The following PI16 variants were observed in gnomAD, a reference collection of about 807,000 sequenced individuals.
PI16 encodes the protein peptidase inhibitor 16.
PI16 carries 35 observed loss-of-function variants against 38.0 expected under a neutral mutation model. That is an observed-to-expected ratio of 0.92 (90% CI 0.70 to 1.22). The LOEUF (loss-of-function observed/expected upper bound fraction) is 1.22. Ranked by LOEUF, PI16 falls within the 50% of genes most tolerant of loss-of-function variation. The pLI is 0.00. For synonymous variants in PI16, 275 were observed against 252.9 expected (o/e 1.09, Z -0.83); for missense variants, 572 against 593.8 (o/e 0.96, Z 0.38).
Position 36,962,566 on chromosome 6 carries a change from C to G in PI16, c.593-369C>G, listed in dbSNP as rs1052824609. On this transcript the variant is annotated intron_variant, in intron 4 of 6. Coordinates refer to ENST00000373674, the MANE Select transcript of PI16 (RefSeq NM_153370.3). This position sits in a 1 kb window ranked among gnomAD's most constrained non-coding sequence, Gnocchi z 4.1. The stretch of plus-strand genomic sequence containing the variant: ...CGGCTCACCTGCAACCTCCGCCTCC[C>G]GGTTTGAAGCAATTCTCCTGCCTCA... Among the ~76,000 whole-genome samples, 1 of 152,102 alleles carries G rather than the reference C, an allele frequency of 6.6e-6. No individual in the cohort carries two copies. The highest frequency in any genetic ancestry group is 2.4e-5 in the African/African-American group (1 of 41,416).
At chr6:36,955,604 T>G (rs1763183247) in intron 1 of PI16, among the ~76,000 whole-genome samples, 1 of 152,192 alleles carries the variant, frequency 6.6e-6, no homozygotes, top group Non-Finnish European at 1.5e-5. Context: ...CAGTGTGGAT[T>G]GAATCTCACA....
intron 1 of PI16, 52 bp from the exon 2 acceptor site, chr6:36,959,093 C>A: frequency 6.7e-7 from 1 of 1,490,432 alleles, no homozygotes; most frequent in Non-Finnish European, 9.1e-7. Context: ...TTTGCTTGGT[C>A]CCCACAGCAT....
chr6:36,959,075 C>G lies in PI16; in HGVS notation c.172-70C>G. On this transcript the variant is annotated intron_variant, in intron 1 of 6. Coordinates refer to ENST00000373674, the MANE Select transcript of PI16 (RefSeq NM_153370.3). Reference sequence around the variant, plus strand: ...GCCGGAAGGATTTCCCCACGACCTCCTCGACCTTTTGCTTGGTCCCCACAG... The same window carrying G: ...GCCGGAAGGATTTCCCCACGACCTCGTCGACCTTTTGCTTGGTCCCCACAG... 7 of 1,394,750 alleles carry G rather than the reference C, an allele frequency of 5.0e-6. No individual in the cohort carries two copies. The South Asian group carries it at 9.2e-5, about 18-fold the overall frequency. 86.4% of individuals were successfully genotyped at this position (1,394,750 alleles called of 1,614,324 possible).
intron 1 of PI16, among the ~76,000 whole-genome samples, chr6:36,955,658 A>G (rs771924842): frequency 2.0e-5 from 3 of 152,252 alleles, no homozygotes; most frequent in Non-Finnish European, 4.4e-5. Flanking sequence ...TCTAAAAAAT[A>G]CACAGTAGGA....
chr6:36,955,495 G>C (rs150320427), intron 1 of PI16, among the ~76,000 whole-genome samples: 5 of 152,064 alleles, frequency 3.3e-5, no homozygotes, highest in African/African-American at 1.2e-4. Context: ...ATTCTGTCTC[G>C]GTCACCTACA....
rs759873373 is a variant in PI16 at position 36,963,872 on chromosome 6, C to T, written c.1320C>T (p.Gly440=). 3.7e-6 allele frequency: 6 copies of T among 1,613,476 alleles called. No homozygotes were observed. In the African/African-American group the frequency reaches 5.3e-5, roughly 14 times the overall value. Residue 440 remains glycine, a synonymous_variant, in exon 6 of 7, where the codon GGC becomes GGT. Coordinates refer to ENST00000373674, the MANE Select transcript of PI16 (RefSeq NM_153370.3). ...GCGTCGTGTCAGGGCTGAACTCGGG[C>T]CCTGGTCATGTGTGGGGCCCTCTCC... The part of the protein sequence containing the change: ...KPSVVSGLNS[G]PGHVWGPLLG...
intron 1 of PI16, among the ~76,000 whole-genome samples, chr6:36,957,726 C>T (rs960659686): frequency 2.6e-5 from 4 of 152,170 alleles, no homozygotes; most frequent in Non-Finnish European, 4.4e-5. Context: ...GAAATTACAG[C>T]CAGGCTCTGT....
In PI16 at chr6:36,962,063, G is replaced by C. The variant is rs554230433; in HGVS notation, c.592+89G>C. ...GTCTAAGAGCCTCCCTGGACTGAGC[G>C]GGACGTGGGCAGGGAAGGAGCCTGG... is the stretch of plus-strand genomic sequence containing the variant. On this transcript the variant is annotated intron_variant, in intron 4 of 6. Transcript: ENST00000373674. This position sits in a 1 kb window ranked among gnomAD's most constrained non-coding sequence, Gnocchi z 4.1. The C allele has an allele frequency of 8.5e-7, 1 of 1,172,090 alleles. No individual in the cohort carries two copies. The highest frequency in any genetic ancestry group is 2.4e-5 in the East Asian group (1 of 42,244). The allele number at this position is 1,172,090 out of a possible 1,614,324, so 72.6% of individuals were successfully genotyped here.
chr6:36,959,157 G>T lies in PI16; in HGVS notation c.184G>T (p.Glu62Ter). The T allele has an allele frequency of 6.2e-7, 1 of 1,609,100 alleles. No individual in the cohort carries two copies. The highest frequency in any genetic ancestry group is 8.5e-7 in the Non-Finnish European group (1 of 1,178,478). The change falls in exon 2 of 7, where the codon GAG becomes TAG. Residue 62 changes from glutamate to a stop codon, truncating the protein, a stop_gained. Coordinates refer to ENST00000373674, the MANE Select transcript of PI16 (RefSeq NM_153370.3). LOFTEE classifies it high-confidence loss of function. ...SDMLHMRWDE[E>*]LAAFAKAYAR... is the part of the protein sequence containing the mutation. ...ACCTGCCCTGCAGAGATGGGACGAG[G>T]AGCTGGCCGCCTTCGCCAAGGCCTA... is the stretch of plus-strand genomic sequence containing the variant.
intron 2 of PI16, among the ~76,000 whole-genome samples, chr6:36,960,121 C>T (rs1763319933): frequency 6.6e-6 from 1 of 152,176 alleles, no homozygotes; most frequent in African/African-American, 2.4e-5. Flanking sequence ...TGCTACTTCT[C>T]ATCTGCCAGG....
At chr6:36,957,909 G>C (rs1350056712) in intron 1 of PI16, among the ~76,000 whole-genome samples, 2 of 152,222 alleles carry the variant, frequency 1.3e-5, no homozygotes, top group African/African-American at 4.8e-5. Context: ...CAGACACCCT[G>C]ACCCTGGCCC....
chr6:36,959,194 G>A lies in PI16; in HGVS notation c.221G>A (p.Cys74Tyr). 6.2e-7 allele frequency: 1 copy of A among 1,611,414 alleles called. No homozygotes were observed. The highest frequency in any genetic ancestry group is 1.3e-5 in the African/African-American group (1 of 75,052). ...AAFAKAYARQ[C>Y]VWGHNKERGR... ...TTCGCCAAGGCCTACGCACGGCAGT[G>A]CGTGTGGGGCCACAACAAGGAGCGC... The change falls in exon 2 of 7, where the codon TGC (cysteine) becomes TAC (tyrosine). Residue 74 changes from cysteine to tyrosine, a missense_variant. Physicochemically the swap from Cys to Tyr is radical, Grantham distance 194. Transcript: ENST00000373674.
intron 6 of PI16, 27 bp downstream of exon 6, chr6:36,963,989 C>T: frequency 6.3e-7 from 1 of 1,585,942 alleles, no homozygotes; most frequent in Non-Finnish European, 8.6e-7. Flanking sequence ...GGGGCCCTGG[C>T]CTCATACCCA....
In PI16 at chr6:36,959,311, A is replaced by G. The variant is rs758334008; in HGVS notation, c.338A>G (p.Tyr113Cys). ...GAGTGGCACCACGAGCGTGAGCACT[A>G]CAACCTCAGCGCCGCCACCTGCAGC... ...MEEWHHEREH[Y>C]NLSAATCSPG... Residue 113 changes from tyrosine to cysteine, a missense_variant, in exon 2 of 7, where the codon TAC (tyrosine) becomes TGC (cysteine). Physicochemically the swap from Tyr to Cys is radical, Grantham distance 194. Transcript: ENST00000373674. The G allele has an allele frequency of 6.3e-7, 1 of 1,584,628 alleles. No individual in the cohort carries two copies. The highest frequency in any genetic ancestry group is 8.6e-7 in the Non-Finnish European group (1 of 1,165,866).
rs1421300512 is a variant in PI16 at position 36,959,199 on chromosome 6, T to C, written c.226T>C (p.Trp76Arg). Residue 76 changes from tryptophan to arginine, a missense_variant, in exon 2 of 7, where the codon TGG (tryptophan) becomes CGG (arginine). By Grantham distance (101) the Trp-to-Arg change is moderately radical. Transcript: ENST00000373674. ...FAKAYARQCV[W>R]GHNKERGRRG... ...CAAGGCCTACGCACGGCAGTGCGTG[T>C]GGGGCCACAACAAGGAGCGCGGGCG... is the stretch of plus-strand genomic sequence containing the variant. The C allele has an allele frequency of 3.1e-6, 5 of 1,611,462 alleles. No individual in the cohort carries two copies. The highest frequency in any genetic ancestry group is 4.2e-6 in the Non-Finnish European group (5 of 1,179,404).
chr6:36,950,974 A>G (rs1583227010), upstream of PI16, among the ~76,000 whole-genome samples: 1 of 152,188 alleles, frequency 6.6e-6, no homozygotes, highest in East Asian at 1.9e-4. This position sits in a 1 kb window ranked among gnomAD's most constrained non-coding sequence, Gnocchi z 4.2. Flanking sequence ...TTACATTCCC[A>G]GAAGCAATGT....
chr6:36,958,779 A>G (rs1425672183), intron 1 of PI16, among the ~76,000 whole-genome samples: 1 of 152,078 alleles, frequency 6.6e-6, no homozygotes, highest in Non-Finnish European at 1.5e-5. Flanking sequence ...CTCTTCAGAG[A>G]AGTTCAAGGA....
At chr6:36,952,111 A>G (rs758102491), upstream of PI16, among the ~76,000 whole-genome samples, 1 of 150,254 alleles carries the variant, frequency 6.7e-6, no homozygotes, top group Non-Finnish European at 1.5e-5. Context: ...CTCCTGCCTC[A>G]GCCTCCTGAG....
In PI16 at chr6:36,962,471, T is replaced by TTTTTTC. The variant is rs761942568; in HGVS notation, c.593-452_593-447dup. On this transcript the variant is annotated intron_variant, in intron 4 of 6. Coordinates refer to ENST00000373674, the MANE Select transcript of PI16 (RefSeq NM_153370.3). The surrounding 1 kb of genome is among the most constrained non-coding windows in gnomAD (Gnocchi z 4.1). ...CAGAAGTAACGTTTCTTTTCTTTTC[T>TTTTTTC]TTTTTCTTTTTCTTTTTTTTGACGG... Among the ~76,000 whole-genome samples the TTTTTTC allele has an allele frequency of 4.6e-5, 7 of 152,180 alleles. No individual in the cohort carries two copies. The highest frequency in any genetic ancestry group is 1.3e-4 in the Admixed American group (2 of 15,278).
Sources: allele counts gnomAD v4.1 joint callset (sites outside exome capture counted in the v4.1 genomes callset), GRCh38; gene constraint gnomAD v4.1.1; non-coding constraint Gnocchi (gnomAD v3.1); transcripts MANE v1.5; gene names NCBI Gene and HGNC (gene_info 2026-07-23, HGNC 2026-07-21).